The following NCAPD2 variants were observed in gnomAD, a reference collection of about 807,000 sequenced individuals.
The protein encoded by NCAPD2 is condensin complex subunit 1.
Under a neutral mutation model 164.5 loss-of-function variants are expected in NCAPD2, and 100 were observed. The observed-to-expected ratio is 0.61, with a 90% CI of 0.52 to 0.72. NCAPD2 has a LOEUF of 0.72. Among genes scored for constraint, NCAPD2 ranks in the 30% least tolerant of loss-of-function variants. The pLI is 0.00. For synonymous variants in NCAPD2, 585 were observed against 642.6 expected, an observed-to-expected ratio of 0.91 and a Z score of 1.36; for missense variants, 1,560 against 1,749.2, an observed-to-expected ratio of 0.89 and a Z score of 1.93.
intron 15 of NCAPD2, 90 bp downstream of exon 15, chr12:6,522,127 C>G (rs1946269133): frequency 7.1e-7 from 1 of 1,400,754 alleles, no homozygotes; most frequent in Non-Finnish European, 9.6e-7. Context: ...AGAGATGGGG[C>G]CTTCCTTTGT....
At chr12:6,518,836 T>C (rs1946237136) in intron 13 of NCAPD2, among the ~76,000 whole-genome samples, 1 of 151,798 alleles carries the variant, frequency 6.6e-6, no homozygotes, top group African/African-American at 2.4e-5. Flanking sequence ...CAAGTATTCT[T>C]AAACCTCAGC....
Position 6,523,279 on chromosome 12 carries a change from T to TG in NCAPD2, c.2148dup (p.Ile717AspfsTer20), listed in dbSNP as rs779881918. 12 of 1,614,102 alleles carry TG rather than the reference T, an allele frequency of 7.4e-6. No individual in the cohort carries two copies. Among genetic ancestry groups the TG allele is most frequent in the Non-Finnish European group, 1.0e-5 (12 of 1,180,042 alleles). On this transcript the variant is annotated frameshift_variant, in exon 17 of 32. Coordinates refer to ENST00000315579, the MANE Select transcript of NCAPD2 (RefSeq NM_014865.4). LOFTEE classifies it high-confidence loss of function. ...TCCCACAGAGCCAAGGCCCAGGCTT[T>TG]GATTCAGAATCTCTCTCTGCTGCTA...
At chr12:6,530,310 C>A (rs1443770988) in intron 29 of NCAPD2, among the ~76,000 whole-genome samples, 1 of 152,224 alleles carries the variant, frequency 6.6e-6, no homozygotes, top group East Asian at 1.9e-4. Flanking sequence ...CCTTCAACAT[C>A]CTGCACCAGG....
chr12:6,504,903 C>T (rs566294285), intron 2 of NCAPD2, among the ~76,000 whole-genome samples: 2 of 152,198 alleles, frequency 1.3e-5, no homozygotes, highest in Admixed American at 6.6e-5. Context: ...AGCAATTTGG[C>T]TTTTCTTGTA....
intron 2 of NCAPD2, among the ~76,000 whole-genome samples, chr12:6,506,051 T>G (rs552023217): frequency 4.5e-4 from 69 of 151,906 alleles, no homozygotes; most frequent in Non-Finnish European, 8.7e-4. Context: ...CTCAGCTTCC[T>G]AGGCTCAAGC....
intron 2 of NCAPD2, among the ~76,000 whole-genome samples, chr12:6,506,272 A>G (rs911616116): frequency 1.3e-5 from 2 of 152,056 alleles, no homozygotes; most frequent in African/African-American, 4.8e-5. Context: ...TCAAGTTTTG[A>G]TAAGTTTTAA....
intron 3 of NCAPD2, 139 bp from the exon 4 acceptor site, chr12:6,509,936 A>C (rs1441570422): frequency 1.6e-6 from 2 of 1,259,770 alleles, no homozygotes; most frequent in African/African-American, 3.0e-5. Flanking sequence ...GCATGTACCC[A>C]GCTTGCCACC....
At chr12:6,529,220 T>C (rs1041686898) in intron 27 of NCAPD2, 181 bp downstream of exon 27, 1 of 630,792 alleles carries the variant, frequency 1.6e-6, no homozygotes, top group African/African-American at 1.8e-5. Flanking sequence ...CCCTTAGTTC[T>C]TGAAAATATT....
At chr12:6,496,366 C>T (rs186432975) in intron 2 of NCAPD2, among the ~76,000 whole-genome samples, 61 of 152,270 alleles carry the variant, frequency 4.0e-4, no homozygotes, top group Non-Finnish European at 4.4e-5. Flanking sequence ...GTCTAGATGG[C>T]AGCTTCTTCC....
At position 6,526,951 on chromosome 12, in the gene NCAPD2, A is replaced by T; in HGVS notation, c.2795A>T (p.Asp932Val). The T allele has an allele frequency of 6.2e-7, 1 of 1,614,008 alleles. No homozygotes were observed. The highest frequency in any genetic ancestry group is 8.5e-7 in the Non-Finnish European group (1 of 1,179,990). ...LLMNLLSLAG[D>V]VALQQLVHLE... Reference sequence around the variant, plus strand: ...ATGAACCTGCTGTCCCTGGCTGGGGATGTGGCTCTGCAGCAGCTGGTCCAC... The same window carrying T: ...ATGAACCTGCTGTCCCTGGCTGGGGTTGTGGCTCTGCAGCAGCTGGTCCAC... The change falls in exon 22 of 32, where the codon GAT (aspartate) becomes GTT (valine). Residue 932 changes from aspartate to valine, a missense_variant. By Grantham distance (152) the Asp-to-Val change is radical. Coordinates refer to ENST00000315579, the MANE Select transcript of NCAPD2 (RefSeq NM_014865.4).
At chr12:6,497,651 C>CT (rs397752367) in intron 2 of NCAPD2, among the ~76,000 whole-genome samples, 35 of 151,426 alleles carry the variant, frequency 2.3e-4, no homozygotes, top group African/African-American at 8.0e-4. Flanking sequence ...ACTGAGTCTC[C>CT]TTCTGTCACC....
At chr12:6,523,241 T>C in intron 16 of NCAPD2, 21 bp from the exon 17 acceptor site, 1 of 1,609,762 alleles carries the variant, frequency 6.2e-7, no homozygotes, top group Non-Finnish European at 8.5e-7. Flanking sequence ...TAGTGACCGC[T>C]GATCTCTGCT....
chr12:6,524,223 G>A (rs961846799), intron 17 of NCAPD2, among the ~76,000 whole-genome samples: 1 of 152,186 alleles, frequency 6.6e-6, no homozygotes, highest in African/African-American at 2.4e-5. Flanking sequence ...TAGGACTTAA[G>A]CTGGGTCTTG....
At chr12:6,509,350 C>T (rs1254598366) in intron 2 of NCAPD2, among the ~76,000 whole-genome samples, 1 of 152,168 alleles carries the variant, frequency 6.6e-6, no homozygotes, top group Non-Finnish European at 1.5e-5. Context: ...CAACCTCCAC[C>T]TCTTGGGTTC....
intron 17 of NCAPD2, among the ~76,000 whole-genome samples, chr12:6,525,110 A>C (rs1337668735): frequency 6.6e-6 from 1 of 152,240 alleles, no homozygotes; most frequent in African/African-American, 2.4e-5. Flanking sequence ...AAATCACTGC[A>C]GAATGGGCTT....
intron 13 of NCAPD2, among the ~76,000 whole-genome samples, chr12:6,518,504 G>GTTTTTTTTTTT (rs56183938): frequency 0.013 from 567 of 44,728 alleles, 117 homozygotes; most frequent in African/African-American, 0.017. Context: ...CCGTCAACAA[G>GTTTTTTTTTTT]TTTTTTTTTT....
At chr12:6,521,693 A>G in intron 14 of NCAPD2, 105 bp from the exon 15 acceptor site, 2 of 1,413,264 alleles carry the variant, frequency 1.4e-6, no homozygotes, top group Non-Finnish European at 1.9e-6. Context: ...CTCAAAAGAA[A>G]AGAAGAAGGA....
chr12:6,517,614 G>C lies in NCAPD2; in HGVS notation c.1339G>C (p.Ala447Pro). 1.2e-6 allele frequency: 2 copies of C among 1,614,250 alleles called. No homozygotes were observed. Among genetic ancestry groups the C allele is most frequent in the Non-Finnish European group, 1.7e-6 (2 of 1,180,048 alleles). The change falls in exon 12 of 32, where the codon GCC becomes CCC. Residue 447 changes from alanine (A) to proline (P), a missense_variant. By Grantham distance (27) the Ala-to-Pro change is conservative. Coordinates refer to ENST00000315579, the MANE Select transcript of NCAPD2 (RefSeq NM_014865.4). ...CTGATAGCTTAGTGATGCTGACCTT[G>C]CCGGACCACTGCAGAAGGAGACCCA... ...FSCKLSDADL[A>P]GPLQKETQKL...
chr12:6,498,679 C>G (rs557119919), intron 2 of NCAPD2, among the ~76,000 whole-genome samples: 3 of 152,154 alleles, frequency 2.0e-5, no homozygotes, highest in Admixed American at 2.0e-4. Flanking sequence ...GTGATCTCAG[C>G]TCACTGCAAC....
Sources: allele counts gnomAD v4.1 joint callset (sites outside exome capture counted in the v4.1 genomes callset), GRCh38; gene constraint gnomAD v4.1.1; transcripts MANE v1.5; gene names NCBI Gene and HGNC (gene_info 2026-07-23, HGNC 2026-07-21).